Variants in MYB observed in about 807,000 individuals in gnomAD.
The protein encoded by MYB is MYB proto-oncogene, transcription factor.
In MYB, 28 loss-of-function variants were observed where a neutral mutation model predicts 92.9. The observed-to-expected ratio is 0.30, with a 90% CI of 0.22 to 0.41. MYB has a LOEUF of 0.41. Among genes scored for constraint, MYB ranks in the 10% least tolerant of loss-of-function variants. MYB has a pLI of 1.00. For missense variants in MYB, 679 were observed against 929.3 expected (o/e 0.73, Z 3.50); for synonymous variants, 295 against 329.1 (o/e 0.90, Z 1.12).
chr6:135,205,779 C>T (rs1778782648), intron 15 of MYB, among the ~76,000 whole-genome samples: 1 of 152,164 alleles, frequency 6.6e-6, no homozygotes, highest in Non-Finnish European at 1.5e-5. Flanking sequence ...TTTTAATAAT[C>T]TGCTATAAAG....
At chr6:135,217,166 C>G (rs916121037) in intron 15 of MYB, among the ~76,000 whole-genome samples, 9 of 152,074 alleles carry the variant, frequency 5.9e-5, no homozygotes, top group Admixed American at 1.3e-4. Context: ...TCCAGGAGTT[C>G]AAGACCAACC....
Position 135,203,311 on chromosome 6 carries a change from C to T in MYB, c.2156C>T (p.Ala719Val), listed in dbSNP as rs114298899. 1.7e-4 allele frequency: 266 copies of T among 1,593,420 alleles called. 1 individual carries two copies. The African/African-American group carries it at 2.3e-3, about 14-fold the overall frequency. The change falls in exon 15 of 16, where the codon GCG becomes GTG. Residue 719 changes from alanine to valine, a missense_variant. Physicochemically the swap from Ala to Val is moderately conservative, Grantham distance 64. Transcript: ENST00000341911. Reference protein sequence around the residue: ...AFTVPKNRSLASPLQPCSSTW... With the variant: ...AFTVPKNRSLVSPLQPCSSTW... ...ACAGTACCTAAAAACAGGTCCCTGG[C>T]GAGCCCCTTGCAGGTAATTACTATT...
chr6:135,185,764 T>C (rs1224407705), intron 1 of MYB, 139 bp from the exon 2 acceptor site: 1 of 731,376 alleles, frequency 1.4e-6, no homozygotes, highest in African/African-American at 1.7e-5. Context: ...CAGCAAACAA[T>C]CTTGTTGTGC....
chr6:135,212,224 C>CTTTTTTTTTTTTTTTTTTTTTTTTTT lies in MYB; in HGVS notation c.2170-5632_2170-5607dup, dbSNP rs545704827. ...CATCTGATGAGTTGCTTTGGTTTTACTTTTTTTTTTTTTTTTTTTTTTTTT... is the reference window on the plus strand; with the variant it reads ...CATCTGATGAGTTGCTTTGGTTTTACTTTTTTTTTTTTTTTTTTTTTTTTTTTTTTTTTTTTTTTTTTTTTTTTTTT... On this transcript the variant is annotated intron_variant, in intron 15 of 15. Transcript: ENST00000341911. Among the ~76,000 whole-genome samples the CTTTTTTTTTTTTTTTTTTTTTTTTTT allele has an allele frequency of 6.1e-4, 20 of 32,884 alleles. 3 individuals carry two copies. Among genetic ancestry groups the CTTTTTTTTTTTTTTTTTTTTTTTTTT allele is most frequent in the Admixed American group, 1.8e-3 (3 of 1,658 alleles). The allele number at this position is 32,884 out of a possible 152,430, so 21.6% of individuals were successfully genotyped here. A position where few individuals can be genotyped will look rare whatever the true frequency, so the allele number is the denominator to read the frequency against.
At position 135,198,970 on chromosome 6, in the gene MYB, C is replaced by G. The variant is rs751753314; in HGVS notation, c.1629C>G (p.Thr543=). The G allele has an allele frequency of 1.2e-6, 2 of 1,611,396 alleles. No homozygotes were observed. Among genetic ancestry groups the G allele is most frequent in the East Asian group, 2.2e-5 (1 of 44,780 alleles). Residue 543 remains threonine, a synonymous_variant, in exon 11 of 16, where the codon ACC becomes ACG. Coordinates refer to ENST00000341911, the MANE Select transcript of MYB (RefSeq NM_001130173.2). ...TGGAAATGCCTTCTTTAACTTCCAC[C>G]CCCCTCATTGGTCACAAATTGACTG... ...SDLEMPSLTS[T]PLIGHKLTVT...
chr6:135,195,713 C>G, intron 8 of MYB, 35 bp from the exon 9 acceptor site: 1 of 1,606,478 alleles, frequency 6.2e-7, no homozygotes, highest in Non-Finnish European at 8.5e-7. Context: ...TTCTTCTGTC[C>G]TCTCTTTATT....
Position 135,181,432 on chromosome 6 carries a change from C to CGCAG in MYB, c.-75_-72dup. The CGCAG allele has an allele frequency of 1.0e-6, 1 of 990,624 alleles. No individual in the cohort carries two copies. Among genetic ancestry groups the CGCAG allele is most frequent in the Non-Finnish European group, 1.2e-6 (1 of 800,710 alleles). The allele number at this position is 990,624 out of a possible 1,614,324, so 61.4% of individuals were successfully genotyped here. ...GCGCCGCTGCGCAGCCGGGGAGGGA[C>CGCAG]GCAGGCAGGCGGCGGGCAGCGGGAG... On this transcript the variant is annotated 5_prime_UTR_variant, in exon 1 of 16. Transcript: ENST00000341911. This position sits in a 1 kb window ranked among gnomAD's most constrained non-coding sequence, Gnocchi z 5.3.
In MYB at chr6:135,195,927, C is replaced by T. The variant is rs780660118; in HGVS notation, c.1128C>T (p.Ile376=). ...GCGCCTCGCCAGCAAGGTGCATGAT[C>T]GTCCACCAGGGCACCATTCTGGATA... is the stretch of plus-strand genomic sequence containing the variant. ...EESASPARCM[I]VHQGTILDNV... is the part of the protein sequence containing the mutation. Residue 376 remains isoleucine, a synonymous_variant, in exon 9 of 16, where the codon ATC becomes ATT. Coordinates refer to ENST00000341911, the MANE Select transcript of MYB (RefSeq NM_001130173.2). 23 of 1,614,014 alleles carry T rather than the reference C, an allele frequency of 1.4e-5. No individual in the cohort carries two copies. The highest frequency in any genetic ancestry group is 2.2e-5 in the East Asian group (1 of 44,896).
At chr6:135,201,585 A>G (rs1339236268) in intron 13 of MYB, 54 bp from the exon 14 acceptor site, 1 of 1,220,338 alleles carries the variant, frequency 8.2e-7, no homozygotes, top group Non-Finnish European at 1.2e-6. Flanking sequence ...TCCTGACTGT[A>G]CATGTTTCAT....
intron 13 of MYB, chr6:135,200,625 G>A (rs1777938227): frequency 5.9e-6 from 4 of 674,642 alleles, no homozygotes; most frequent in Non-Finnish European, 5.3e-6. Flanking sequence ...TCTACTTCAT[G>A]TTTGGACAGA....
chr6:135,185,999 A>G lies in MYB; in HGVS notation c.120A>G (p.Lys40=). Reference sequence around the variant, plus strand: ...AGTCTGGAAAGCGTCACTTGGGGAAAACAAGGTGGACCCGGGAAGAGGTAA... The same window carrying G: ...AGTCTGGAAAGCGTCACTTGGGGAAGACAAGGTGGACCCGGGAAGAGGTAA... ...LPKSGKRHLG[K]TRWTREEDEK... Residue 40 remains lysine, a synonymous_variant, in exon 2 of 16, where the codon AAA becomes AAG. Transcript: ENST00000341911. The G allele has an allele frequency of 6.2e-7, 1 of 1,613,992 alleles. No individual in the cohort carries two copies. The highest frequency in any genetic ancestry group is 8.5e-7 in the Non-Finnish European group (1 of 1,179,840).
Position 135,181,471 on chromosome 6 carries a change from G to A in MYB, c.-43G>A, listed in dbSNP as rs1775020475. The A allele has an allele frequency of 1.8e-6, 2 of 1,113,018 alleles. No individual in the cohort carries two copies. Among genetic ancestry groups the A allele is most frequent in the African/African-American group, 3.3e-5 (2 of 59,974 alleles). The allele number at this position is 1,113,018 out of a possible 1,614,324, so 68.9% of individuals were successfully genotyped here. A position where few individuals can be genotyped will look rare whatever the true frequency, so the allele number is the denominator to read the frequency against. On this transcript the variant is annotated 5_prime_UTR_variant, in exon 1 of 16. Transcript: ENST00000341911. This position sits in a 1 kb window ranked among gnomAD's most constrained non-coding sequence, Gnocchi z 5.3. The stretch of plus-strand genomic sequence containing the variant: ...GGGCAGCGGGAGGCGGCAGCCCGGT[G>A]CGGTCCCCGCGGCTCTCGGCGGAGC...
At chr6:135,194,673 G>A (rs1276602761) in intron 8 of MYB, 11 of 568,578 alleles carry the variant, frequency 1.9e-5, no homozygotes, top group Non-Finnish European at 3.4e-5. Context: ...CAATAAAAAT[G>A]CAATATCCAC....
chr6:135,201,793 G>C (rs1263565502), intron 14 of MYB, 44 bp downstream of exon 14: 6 of 1,234,588 alleles, frequency 4.9e-6, no homozygotes, highest in East Asian at 2.7e-5. Context: ...TGTGACACTG[G>C]TGCCTCATGA....
rs750042379 is a variant in MYB, at chr6:135,200,276, A to C, written c.1825-14A>C. On this transcript the variant is annotated splice_polypyrimidine_tract_variant and intron_variant, in intron 12 of 15. Transcript: ENST00000341911. ...AGTTCTCTCTGATGCAAAAATACCCACTCTTCCGTTTAGCCTCAGACACCC... is the reference window on the plus strand; with the variant it reads ...AGTTCTCTCTGATGCAAAAATACCCCCTCTTCCGTTTAGCCTCAGACACCC... The C allele has an allele frequency of 1.7e-5, 27 of 1,613,080 alleles. 1 individual carries two copies. The highest frequency in any genetic ancestry group is 1.6e-4 in the Middle Eastern group (1 of 6,062).
intron 15 of MYB, among the ~76,000 whole-genome samples, chr6:135,209,465 C>G (rs1432303231): frequency 6.6e-6 from 1 of 152,218 alleles, no homozygotes; most frequent in Non-Finnish European, 1.5e-5. Flanking sequence ...AACTCCCAAC[C>G]TCAGGTGATC....
intron 14 of MYB, 88 bp from the exon 15 acceptor site, chr6:135,203,129 T>C: frequency 1.1e-6 from 1 of 946,278 alleles, no homozygotes; most frequent in East Asian, 2.4e-5. Context: ...TATCATCTCA[T>C]AGTAATCTAC....
intron 11 of MYB, 100 bp from the exon 12 acceptor site, chr6:135,199,985 G>T: frequency 1.1e-6 from 1 of 921,532 alleles, no homozygotes; most frequent in South Asian, 1.4e-5. Flanking sequence ...CCGGAACAGA[G>T]TTTATTGTAT....
In MYB at chr6:135,185,985, C is replaced by T. The variant is rs776200677; in HGVS notation, c.106C>T (p.Arg36Cys). 8 of 1,614,052 alleles carry T rather than the reference C, an allele frequency of 5.0e-6. No homozygotes were observed. The highest frequency in any genetic ancestry group is 1.1e-5 in the South Asian group (1 of 91,072). Reference sequence around the variant, plus strand: ...TGGGCTGCTTCCCAAGTCTGGAAAGCGTCACTTGGGGAAAACAAGGTGGAC... The same window carrying T: ...TGGGCTGCTTCCCAAGTCTGGAAAGTGTCACTTGGGGAAAACAAGGTGGAC... ...YDGLLPKSGK[R>C]HLGKTRWTRE... Residue 36 changes from arginine to cysteine, a missense_variant, in exon 2 of 16, where the codon CGT (arginine) becomes TGT (cysteine). This residue lies in a region of MYB where 88 missense variants were observed against 145.6 expected (regional missense o/e 0.60). Coordinates refer to ENST00000341911, the MANE Select transcript of MYB (RefSeq NM_001130173.2).
Sources: gnomAD v4.1 joint callset for allele counts (sites outside exome capture counted in the v4.1 genomes callset) on GRCh38, gnomAD v4.1.1 for gene constraint, gnomAD v4.1.1 regional missense constraint, Gnocchi (gnomAD v3.1) non-coding constraint, MANE v1.5 for transcripts, NCBI Gene and HGNC (gene_info 2026-07-23, HGNC 2026-07-21) for gene names.